The following LAMA2 variants were observed in gnomAD, a reference collection of about 807,000 sequenced individuals.
The protein encoded by LAMA2 is laminin subunit alpha-2.
LAMA2 carries 269 observed loss-of-function variants against 364.8 expected under a neutral mutation model. The observed-to-expected ratio is 0.74, with a 90% CI of 0.67 to 0.82. The LOEUF (loss-of-function observed/expected upper bound fraction) is 0.82. Ranked by LOEUF, LAMA2 falls within the 40% of genes least tolerant of loss-of-function variation. The pLI is 0.00. For synonymous variants in LAMA2, 1,379 were observed against 1,370.6 expected (o/e 1.01, Z -0.14); for missense variants, 3,807 against 3,873.2 (o/e 0.98, Z 0.45).
intron 1 of LAMA2, among the ~76,000 whole-genome samples, chr6:128,936,506 G>A (rs551609229): frequency 2.0e-4 from 30 of 152,052 alleles, no homozygotes; most frequent in Non-Finnish European, 4.0e-4. Flanking sequence ...TACATTCCAG[G>A]ACCCCCAGAG....
chr6:129,451,980 A>C (rs1370037046), intron 45 of LAMA2, among the ~76,000 whole-genome samples: 1 of 152,350 alleles, frequency 6.6e-6, no homozygotes, highest in East Asian at 1.9e-4. Flanking sequence ...ATGCTAGAAG[A>C]AATGAAAAAA....
Position 129,050,036 on chromosome 6 carries a change from T to C in LAMA2, c.231T>C (p.Pro77=), listed in dbSNP as rs1352441896. The C allele has an allele frequency of 1.2e-6, 2 of 1,614,052 alleles. No homozygotes were observed. The highest frequency in any genetic ancestry group is 1.7e-6 in the Non-Finnish European group (2 of 1,180,042). The change falls in exon 2 of 65, where the codon CCT becomes CCC. Residue 77 remains proline (P), a synonymous_variant. Transcript: ENST00000421865. ...CKLVEHVPGQ[P]VRNPQCRICN... ...TGGTAGAACATGTCCCTGGGCAGCC[T>C]GTGAGGAACCCGCAGTGTCGAATCT...
intron 4 of LAMA2, among the ~76,000 whole-genome samples, chr6:129,136,824 C>A (rs1277724970): frequency 6.6e-6 from 1 of 152,050 alleles, no homozygotes; most frequent in South Asian, 2.1e-4. Flanking sequence ...AGTTCAGGGA[C>A]AATTGGAATC....
intron 13 of LAMA2, among the ~76,000 whole-genome samples, chr6:129,250,582 A>G (rs1326830803): frequency 6.6e-6 from 1 of 152,120 alleles, no homozygotes; most frequent in African/African-American, 2.4e-5. Flanking sequence ...TCCCTTGTTT[A>G]TATTAGATAA....
intron 1 of LAMA2, among the ~76,000 whole-genome samples, chr6:128,933,258 GTGTGTGTC>G (rs879586499): frequency 6.7e-6 from 1 of 148,810 alleles, no homozygotes; most frequent in East Asian, 1.9e-4. Flanking sequence ...GTGTGTGTGT[GTGTGTGTC>G]TGTGTGTCTG....
chr6:128,962,139 CATATAT>C (rs55906092), intron 1 of LAMA2, among the ~76,000 whole-genome samples: 2,690 of 37,998 alleles, frequency 0.071, 101 homozygotes, highest in East Asian at 0.092. Flanking sequence ...TCCTCTGGAC[CATATAT>C]ATATATATAT....
intron 22 of LAMA2, among the ~76,000 whole-genome samples, chr6:129,311,931 T>C (rs948647951): frequency 2.0e-4 from 28 of 143,042 alleles, no homozygotes; most frequent in African/African-American, 5.7e-4. Flanking sequence ...CAGCAAGAAA[T>C]GTAAAACAAA....
At chr6:128,893,101 T>A (rs1776560146) in intron 1 of LAMA2, among the ~76,000 whole-genome samples, 1 of 151,950 alleles carries the variant, frequency 6.6e-6, no homozygotes, top group African/African-American at 2.4e-5. Flanking sequence ...TTCCAAAATA[T>A]AAATTTTCCC....
At chr6:128,964,719 C>T (rs1781734096) in intron 1 of LAMA2, among the ~76,000 whole-genome samples, 1 of 151,988 alleles carries the variant, frequency 6.6e-6, no homozygotes, top group African/African-American at 2.4e-5. Flanking sequence ...ACATACTACT[C>T]ATCAAAGTCA....
chr6:129,154,830 A>G (rs1779012670), intron 8 of LAMA2, 147 bp downstream of exon 8: 1 of 698,522 alleles, frequency 1.4e-6, no homozygotes, highest in African/African-American at 1.8e-5. Flanking sequence ...CGTAGTTGAA[A>G]CTGACCTAAA....
chr6:129,154,542 T>C lies in LAMA2; in HGVS notation c.1065T>C (p.Tyr355=), dbSNP rs1436470033. 4 of 1,614,048 alleles carry C rather than the reference T, an allele frequency of 2.5e-6. No homozygotes were observed. The Admixed American group carries it at 6.7e-5, about 27-fold the overall frequency. The part of the protein sequence containing the change: ...NCHGKAEECY[Y]DENVARRNLS... ...ATGGAAAAGCTGAAGAATGCTATTA[T>C]GATGAAAATGTTGCCAGAAGAAATC... Residue 355 remains tyrosine, a synonymous_variant, in exon 8 of 65, where the codon TAT becomes TAC. Coordinates refer to ENST00000421865, the MANE Select transcript of LAMA2 (RefSeq NM_000426.4).
intron 1 of LAMA2, among the ~76,000 whole-genome samples, chr6:128,933,368 C>A (rs1245457479): frequency 6.6e-6 from 1 of 152,050 alleles, no homozygotes; most frequent in Admixed American, 6.6e-5. Flanking sequence ...AATGATGCTG[C>A]TATGAACATG....
intron 40 of LAMA2, among the ~76,000 whole-genome samples, chr6:129,410,441 C>T (rs2114709721): frequency 6.6e-6 from 1 of 152,266 alleles, no homozygotes; most frequent in East Asian, 1.9e-4. Context: ...TTCTCTCTGT[C>T]TCTGTCTCTC....
At chr6:129,316,449 A>G (rs954781086) in intron 27 of LAMA2, among the ~76,000 whole-genome samples, 3 of 152,230 alleles carry the variant, frequency 2.0e-5, no homozygotes, top group Admixed American at 6.5e-5. Context: ...AAGAGATCAT[A>G]TACTGTAGAT....
chr6:128,913,546 C>T (rs955140845), intron 1 of LAMA2, among the ~76,000 whole-genome samples: 2 of 152,140 alleles, frequency 1.3e-5, no homozygotes, highest in East Asian at 3.9e-4. Context: ...CATTTTAATA[C>T]AAGATTCCAT....
intron 37 of LAMA2, among the ~76,000 whole-genome samples, chr6:129,399,159 A>G (rs1014673441): frequency 6.6e-6 from 1 of 152,234 alleles, no homozygotes; most frequent in Non-Finnish European, 1.5e-5. Flanking sequence ...AAGACGAATC[A>G]ATCTATATAA....
chr6:128,929,489 T>A, intron 1 of LAMA2: 1 of 843,304 alleles, frequency 1.2e-6, no homozygotes, highest in South Asian at 1.3e-5. Flanking sequence ...ACAGACTCTT[T>A]ATGGTATGCC....
rs748694238 is a variant in LAMA2, at chr6:128,883,354, AGAGGTACAGTC to A, written c.112+2_112+12del. ...GCGGCAGTCACAGGCACATCAGCAA[AGAGGTACAGTC>A]GAGGCATGGGCTTGGGTTGCATCCT... On this transcript the variant is annotated splice_donor_variant and splice_donor_5th_base_variant and coding_sequence_variant and intron_variant, in exon 1 of 65. Transcript: ENST00000421865. LOFTEE classifies it high-confidence loss of function. 1.3e-6 allele frequency: 2 copies of A among 1,595,196 alleles called. No individual in the cohort carries two copies. Among genetic ancestry groups the A allele is most frequent in the Admixed American group, 1.7e-5 (1 of 57,718 alleles).
chr6:129,044,977 A>T (rs1240861867), intron 1 of LAMA2, among the ~76,000 whole-genome samples: 1 of 152,212 alleles, frequency 6.6e-6, no homozygotes, highest in Non-Finnish European at 1.5e-5. Context: ...TAGATTTAAC[A>T]TATAATGAAA....
Sources: allele counts gnomAD v4.1 joint callset (sites outside exome capture counted in the v4.1 genomes callset), GRCh38; gene constraint gnomAD v4.1.1; transcripts MANE v1.5; gene names NCBI Gene and HGNC (gene_info 2026-07-23, HGNC 2026-07-21).